CCDC144A: variants seen among roughly 807,000 people sequenced by gnomAD.
CCDC144A encodes the protein coiled-coil domain-containing protein 144A.
CCDC144A carries 41 observed loss-of-function variants against 143.8 expected under a neutral mutation model. That is an observed-to-expected ratio of 0.29 (90% CI 0.22 to 0.37). CCDC144A has a LOEUF of 0.37. CCDC144A is among the 10% of genes least tolerant of loss of function. The pLI is 1.00. For synonymous variants in CCDC144A, 242 were observed against 517.9 expected, an observed-to-expected ratio of 0.47 and a Z score of 7.23; for missense variants, 637 against 1,488.8, an observed-to-expected ratio of 0.43 and a Z score of 9.41.
the CCDC144A span, among the ~76,000 whole-genome samples, chr17:16,682,768 A>G: frequency 1.8e-4 from 27 of 152,000 alleles, no homozygotes; most frequent in East Asian, 4.3e-3. Flanking sequence ...TTAATTCATA[A>G]TTTAACAATA....
intron 7 of CCDC144A, 132 bp downstream of exon 7, chr17:16,720,363 T>C (rs1014881804): frequency 1.2e-5 from 12 of 1,040,866 alleles, no homozygotes; most frequent in Non-Finnish European, 1.7e-5. Flanking sequence ...ACAGTAACCG[T>C]TGATAATGGT....
In CCDC144A at chr17:16,710,751, C is replaced by T. The variant is rs534600037; in HGVS notation, c.1579-928C>T. On this transcript the variant is annotated intron_variant, in intron 5 of 16. Transcript: ENST00000399273. Reference sequence around the variant, plus strand: ...TGATTAGGGCAGGCCTCCCACCCTCCGCTAAGGCATTAAATTATTTTACCC... The same window carrying T: ...TGATTAGGGCAGGCCTCCCACCCTCTGCTAAGGCATTAAATTATTTTACCC... Among the ~76,000 whole-genome samples the T allele has an allele frequency of 3.8e-3, 577 of 152,256 alleles. 6 individuals are homozygous for T. Among genetic ancestry groups the T allele is most frequent in the African/African-American group, 0.013 (549 of 41,526 alleles).
intron 3 of CCDC144A, chr17:16,707,118 G>C (rs1159998525): frequency 1.4e-5 from 3 of 207,356 alleles, no homozygotes; most frequent in Admixed American, 1.2e-4. Context: ...ATGAAGTGGA[G>C]AACAGTATGC....
intron 2 of CCDC144A, chr17:16,695,450 A>G (rs1013379384): frequency 5.3e-5 from 8 of 151,402 alleles, no homozygotes; most frequent in Non-Finnish European, 8.8e-5. Flanking sequence ...ACAATAAAAC[A>G]TTAGCTGGGC....
intron 12 of CCDC144A, among the ~76,000 whole-genome samples, chr17:16,757,072 C>T (rs1278023410): frequency 6.6e-6 from 1 of 152,258 alleles, no homozygotes; most frequent in African/African-American, 2.4e-5. Context: ...TTTTTGGTGG[C>T]AGTGGGTTAC....
At chr17:16,682,763 T>C in the CCDC144A span, among the ~76,000 whole-genome samples, 1 of 151,884 alleles carries the variant, frequency 6.6e-6, no homozygotes, top group Non-Finnish European at 1.5e-5. Flanking sequence ...ATGCTTTAAT[T>C]CATAATTTAA....
chr17:16,715,274 C>T (rs995641912), intron 6 of CCDC144A, among the ~76,000 whole-genome samples: 2 of 147,088 alleles, frequency 1.4e-5, no homozygotes, highest in African/African-American at 5.0e-5. Context: ...GTTTACCCTT[C>T]GGTGTATTGT....
chr17:16,748,707 A>G (rs1914650534), intron 12 of CCDC144A, among the ~76,000 whole-genome samples: 1 of 152,236 alleles, frequency 6.6e-6, no homozygotes, highest in Admixed American at 6.5e-5. Context: ...GCTATGAGTC[A>G]GTCTGATCTG....
At chr17:16,739,766 T>C (rs910799097) in intron 12 of CCDC144A, among the ~76,000 whole-genome samples, 6 of 152,286 alleles carry the variant, frequency 3.9e-5, no homozygotes, top group African/African-American at 1.4e-4. Context: ...TTGAGCTATG[T>C]CTATCCTTAT....
chr17:16,743,906 G>T (rs1346909628), intron 12 of CCDC144A, among the ~76,000 whole-genome samples: 1 of 152,184 alleles, frequency 6.6e-6, no homozygotes, highest in African/African-American at 2.4e-5. Context: ...CCAATGTTTA[G>T]CTCCCACTTA....
At chr17:16,772,923 T>TA (rs1915879428) in intron 16 of CCDC144A, among the ~76,000 whole-genome samples, 1 of 152,238 alleles carries the variant, frequency 6.6e-6, no homozygotes, top group African/African-American at 2.4e-5. Context: ...CTCCAGGGCA[T>TA]AGTCTAGTAC....
upstream of CCDC144A, among the ~76,000 whole-genome samples, chr17:16,687,541 C>T (rs1166657087): frequency 6.6e-6 from 1 of 152,136 alleles, no homozygotes; most frequent in Non-Finnish European, 1.5e-5. Flanking sequence ...GGGGACAAGC[C>T]CTCCAGCGGT....
intron 8 of CCDC144A, among the ~76,000 whole-genome samples, chr17:16,723,980 T>C (rs1249989584): frequency 5.9e-5 from 9 of 151,936 alleles, no homozygotes; most frequent in Admixed American, 5.9e-4. Flanking sequence ...AGACATTAAG[T>C]GCTAAAAAAT....
At position 16,762,327 on chromosome 17, in the gene CCDC144A, A is replaced by G. The variant is rs761813579; in HGVS notation, c.3681A>G (p.Val1227=). 6 of 1,599,490 alleles carry G rather than the reference A, an allele frequency of 3.8e-6. No homozygotes were observed. The East Asian group carries it at 1.1e-4, about 30-fold the overall frequency. The part of the protein sequence containing the change: ...AILTLQKQAA[V]SHEQLVQLRE... ...ATTTATTTTAGAAACAAGCAGCAGT[A>G]TCTCATGAACAGTTAGTACAGTTAA... The change falls in exon 14 of 17, where the codon GTA becomes GTG. Residue 1227 remains valine (V), a synonymous_variant. Coordinates refer to ENST00000399273, the MANE Select transcript of CCDC144A (RefSeq NM_001382000.1).
At chr17:16,683,931 G>C in the CCDC144A span, 1 of 1,276,662 alleles carries the variant, frequency 7.8e-7, no homozygotes, top group African/African-American at 1.5e-5. Flanking sequence ...CCACGAGCAG[G>C]AATCCGCGTT....
the CCDC144A span, among the ~76,000 whole-genome samples, chr17:16,677,747 C>G: frequency 6.6e-6 from 1 of 150,746 alleles, no homozygotes; most frequent in Non-Finnish European, 1.5e-5. Flanking sequence ...GCAGATGTTG[C>G]AATGAGCGGA....
chr17:16,722,249 C>G, intron 8 of CCDC144A, among the ~76,000 whole-genome samples: 1 of 151,568 alleles, frequency 6.6e-6, no homozygotes, highest in East Asian at 1.9e-4. Flanking sequence ...ATTTTACTGT[C>G]AAACAAACCG....
At chr17:16,739,458 G>C (rs1423169307) in intron 12 of CCDC144A, among the ~76,000 whole-genome samples, 2 of 151,434 alleles carry the variant, frequency 1.3e-5, no homozygotes, top group African/African-American at 4.9e-5. Flanking sequence ...TTCACATTTT[G>C]ATGAAGTCCA....
intron 2 of CCDC144A, among the ~76,000 whole-genome samples, chr17:16,697,845 G>A (rs1018615316): frequency 6.6e-6 from 1 of 152,216 alleles, no homozygotes; most frequent in African/African-American, 2.4e-5. Context: ...ACTGTTGAAT[G>A]TAAAAAGATA....
Sources: allele counts gnomAD v4.1 joint callset (sites outside exome capture counted in the v4.1 genomes callset), GRCh38; gene constraint gnomAD v4.1.1; transcripts MANE v1.5; gene names NCBI Gene and HGNC (gene_info 2026-07-23, HGNC 2026-07-21).